The following SPAG16 variants were observed in gnomAD, a reference collection of about 807,000 sequenced individuals.
SPAG16 encodes sperm-associated antigen 16 protein.
A neutral mutation model predicts 80.4 loss-of-function variants in SPAG16; 86 were observed. The observed-to-expected ratio is 1.07, with a 90% CI of 0.90 to 1.28. SPAG16 has a LOEUF of 1.28. SPAG16 is among the 50% of genes most tolerant of loss of function. The pLI is 0.00. For synonymous variants in SPAG16, 294 were observed against 265.9 expected, an observed-to-expected ratio of 1.11 and a Z score of -1.03; for missense variants, 870 against 765.3, an observed-to-expected ratio of 1.14 and a Z score of -1.61.
chr2:214,229,567 T>A (rs1688548594), intron 15 of SPAG16, among the ~76,000 whole-genome samples: 1 of 151,810 alleles, frequency 6.6e-6, no homozygotes, highest in Non-Finnish European at 1.5e-5. Flanking sequence ...TTCAATTGAG[T>A]TTTCTTATTA....
chr2:214,147,129 C>G (rs1424947821), intron 14 of SPAG16, among the ~76,000 whole-genome samples: 1 of 152,058 alleles, frequency 6.6e-6, no homozygotes, highest in African/African-American at 2.4e-5. Flanking sequence ...CTTGAAGTTG[C>G]TATGTACTAG....
At chr2:213,584,210 T>C (rs2060389563) in intron 10 of SPAG16, among the ~76,000 whole-genome samples, 1 of 152,192 alleles carries the variant, frequency 6.6e-6, no homozygotes, top group Non-Finnish European at 1.5e-5. Flanking sequence ...CCAACTAGCA[T>C]GCCTGGTGGT....
At chr2:213,601,349 T>C (rs531007395) in intron 10 of SPAG16, among the ~76,000 whole-genome samples, 11 of 152,294 alleles carry the variant, frequency 7.2e-5, no homozygotes, top group African/African-American at 2.6e-4. Flanking sequence ...TCTTTTTCAG[T>C]TCATCATGTT....
chr2:214,002,662 C>G (rs1397352), intron 12 of SPAG16, among the ~76,000 whole-genome samples: 75,350 of 151,928 alleles, frequency 0.5, 19,335 homozygotes, highest in South Asian at 0.76. Context: ...GCAGTCAGTG[C>G]TCTAAGTCCT....
chr2:213,779,560 A>G (rs1343773633), intron 10 of SPAG16, among the ~76,000 whole-genome samples: 2 of 152,178 alleles, frequency 1.3e-5, no homozygotes, highest in Non-Finnish European at 2.9e-5. Flanking sequence ...ATATCAAGAA[A>G]GAGGGAGAGG....
intron 10 of SPAG16, among the ~76,000 whole-genome samples, chr2:213,703,016 A>G (rs887469106): frequency 1.2e-4 from 18 of 152,192 alleles, no homozygotes; most frequent in Non-Finnish European, 2.6e-4. Context: ...CTCATGTGAT[A>G]TGGTCCATGA....
At chr2:214,261,674 A>AT (rs35741532) in intron 15 of SPAG16, among the ~76,000 whole-genome samples, 1 of 152,136 alleles carries the variant, frequency 6.6e-6, no homozygotes, top group Non-Finnish European at 1.5e-5. Context: ...TAACAGAGTA[A>AT]TTTTTTATTT....
At chr2:213,308,414 T>G (rs1428120033) in intron 3 of SPAG16, among the ~76,000 whole-genome samples, 1 of 152,136 alleles carries the variant, frequency 6.6e-6, no homozygotes, top group Non-Finnish European at 1.5e-5. Context: ...ACCATAGTAT[T>G]TCAGATTTTG....
intron 15 of SPAG16, among the ~76,000 whole-genome samples, chr2:214,280,187 G>A (rs1427925217): frequency 2.6e-5 from 4 of 152,116 alleles, no homozygotes; most frequent in African/African-American, 9.7e-5. Flanking sequence ...ATCAGACAAT[G>A]TAATTCACCA....
chr2:213,340,948 G>A (rs751694111), intron 6 of SPAG16, among the ~76,000 whole-genome samples: 9 of 152,078 alleles, frequency 5.9e-5, no homozygotes, highest in Non-Finnish European at 1.3e-4. Flanking sequence ...TATCTGTACT[G>A]TCCAATACAA....
At chr2:214,152,085 A>G (rs933489088) in intron 15 of SPAG16, among the ~76,000 whole-genome samples, 4 of 152,216 alleles carry the variant, frequency 2.6e-5, no homozygotes, top group Admixed American at 2.0e-4. Flanking sequence ...AATCCAACAC[A>G]GTATAGGAAT....
intron 10 of SPAG16, among the ~76,000 whole-genome samples, chr2:213,617,265 A>G (rs76101947): frequency 3.2e-4 from 48 of 152,300 alleles, no homozygotes; most frequent in African/African-American, 1.1e-3. Flanking sequence ...ACAATGAGGC[A>G]TTTAAATGCT....
At chr2:214,061,397 T>C (rs910126679) in intron 13 of SPAG16, among the ~76,000 whole-genome samples, 1 of 152,178 alleles carries the variant, frequency 6.6e-6, no homozygotes, top group South Asian at 2.1e-4. Flanking sequence ...ATAGAACCAA[T>C]GGAATGTATG....
chr2:213,478,982 T>G (rs1372301828), intron 9 of SPAG16, among the ~76,000 whole-genome samples: 4 of 152,058 alleles, frequency 2.6e-5, no homozygotes, highest in Non-Finnish European at 5.9e-5. Flanking sequence ...ATGTTGACAT[T>G]TCTCAGGGTT....
chr2:214,274,663 G>T (rs1221963105), intron 15 of SPAG16, among the ~76,000 whole-genome samples: 1 of 152,144 alleles, frequency 6.6e-6, no homozygotes, highest in African/African-American at 2.4e-5. Flanking sequence ...GATTGTCTTG[G>T]ATAAGCTTTT....
chr2:213,513,243 A>G (rs2125821536), intron 10 of SPAG16, among the ~76,000 whole-genome samples: 1 of 152,280 alleles, frequency 6.6e-6, no homozygotes, highest in Admixed American at 6.5e-5. Flanking sequence ...CTATATTTTC[A>G]AAGGCTCATT....
intron 9 of SPAG16, among the ~76,000 whole-genome samples, chr2:213,440,101 C>T (rs1168739195): frequency 6.7e-6 from 1 of 149,646 alleles, no homozygotes; most frequent in Non-Finnish European, 1.5e-5. Context: ...ACTGAAATTC[C>T]TGCAGTTTTG....
intron 15 of SPAG16, among the ~76,000 whole-genome samples, chr2:214,188,334 A>G (rs2057544989): frequency 1.3e-5 from 2 of 152,190 alleles, no homozygotes; most frequent in Admixed American, 1.3e-4. Context: ...TACATTCCAC[A>G]CATTTATAAA....
intron 15 of SPAG16, among the ~76,000 whole-genome samples, chr2:214,307,695 G>GT (rs1329821826): frequency 6.6e-5 from 10 of 152,184 alleles, no homozygotes; most frequent in Non-Finnish European, 1.3e-4. Context: ...CCATGTAATT[G>GT]TATCTTTTTG....
Sources: gnomAD v4.1 joint callset for allele counts (sites outside exome capture counted in the v4.1 genomes callset) on GRCh38, gnomAD v4.1.1 for gene constraint, MANE v1.5 for transcripts, NCBI Gene and HGNC (gene_info 2026-07-23, HGNC 2026-07-21) for gene names.